Variants in CASZ1 observed in about 807,000 individuals in gnomAD.
CASZ1 encodes the protein zinc finger protein castor homolog 1.
In CASZ1, 28 loss-of-function variants were observed where a neutral mutation model predicts 135.2. The observed-to-expected ratio is 0.21, with a 90% confidence interval of 0.15 to 0.28. CASZ1 has a LOEUF of 0.28. CASZ1 is among the 10% of genes least tolerant of loss of function. The pLI is 1.00. For synonymous variants in CASZ1, 1,068 were observed against 1,073.4 expected (o/e 0.99, Z 0.10); for missense variants, 2,161 against 2,453.3 (o/e 0.88, Z 2.52).
At position 10,671,312 on chromosome 1, in the gene CASZ1, G is replaced by A. The variant is rs568475484; in HGVS notation, c.17-5741C>T. Among the ~76,000 whole-genome samples, 185 of 152,322 alleles carry A rather than the reference G, an allele frequency of 1.2e-3. 1 individual carries two copies. The highest frequency in any genetic ancestry group is 3.8e-3 in the African/African-American group (159 of 41,576). On this transcript the variant is annotated intron_variant, in intron 4 of 20. Transcript: ENST00000377022. ...CACTGAGCAAACGCGCACAGACCGC[G>A]TGCATGCCTGTGCGCGCGCACACAC... is the stretch of plus-strand genomic sequence containing the variant.
At chr1:10,675,140 G>A (rs530668095) in intron 4 of CASZ1, among the ~76,000 whole-genome samples, 29 of 152,314 alleles carry the variant, frequency 1.9e-4, no homozygotes, top group African/African-American at 6.5e-4. Flanking sequence ...AAAAGCTCAC[G>A]GCAGGTCCCC....
chr1:10,664,971 C>T (rs907829998), intron 5 of CASZ1, 112 bp downstream of exon 5: 35 of 1,222,954 alleles, frequency 2.9e-5, no homozygotes, highest in East Asian at 5.8e-5. Flanking sequence ...GATGAGGGGC[C>T]GGTATTTAGA....
At chr1:10,758,348 T>C in intron 2 of CASZ1, among the ~76,000 whole-genome samples, 1 of 138,230 alleles carries the variant, frequency 7.2e-6, no homozygotes, top group East Asian at 2.0e-4. Flanking sequence ...TTTTTTTTTT[T>C]TGAGACAGAG....
chr1:10,692,736 G>A (rs570769214), intron 4 of CASZ1, among the ~76,000 whole-genome samples: 3 of 152,298 alleles, frequency 2.0e-5, no homozygotes, highest in South Asian at 2.1e-4. Context: ...GGCTGCCTCC[G>A]GTCTCTCTGC....
At position 10,665,514 on chromosome 1, in the gene CASZ1, C is replaced by G; in HGVS notation, c.74G>C (p.Arg25Pro). Reference sequence around the variant, plus strand: ...GGCGTTCAGCTTCAGGCCACCCTTGCGTTTGGGCGCCATGGCGGGCTTGCC... The same window carrying G: ...GGCGTTCAGCTTCAGGCCACCCTTGGGTTTGGGCGCCATGGCGGGCTTGCC... ...PAGKPAMAPK[R>P]KGGLKLNAIC... Residue 25 changes from arginine to proline, a missense_variant, in exon 5 of 21, where the codon CGC (arginine) becomes CCC (proline). Transcript: ENST00000377022. The G allele has an allele frequency of 6.2e-7, 1 of 1,600,530 alleles. No homozygotes were observed. The highest frequency in any genetic ancestry group is 8.5e-7 in the Non-Finnish European group (1 of 1,177,912).
rs1449033665 is a variant in CASZ1 at position 10,676,453 on chromosome 1, G to A, written c.17-10882C>T. Among the ~76,000 whole-genome samples, 1 of 152,136 alleles carries A rather than the reference G, an allele frequency of 6.6e-6. No homozygotes were observed. Among genetic ancestry groups the A allele is most frequent in the Non-Finnish European group, 1.5e-5 (1 of 68,030 alleles). ...CTTTCAACAGAACATCCCCAATGCA[G>A]GCTCTTCCCACCAGGACAAAGAAGA... On this transcript the variant is annotated intron_variant, in intron 4 of 20. Coordinates refer to ENST00000377022, the MANE Select transcript of CASZ1 (RefSeq NM_001079843.3). This position sits in a 1 kb window ranked among gnomAD's most constrained non-coding sequence, Gnocchi z 4.5.
In CASZ1 at chr1:10,694,464, G is replaced by A. The variant is rs922295932; in HGVS notation, c.-23-552C>T. ...GGGTAACAGTTTGGCAGGAGGGAGCGGGCGGGCGGGCGCGGCCGGGGGCGC... is the reference window on the plus strand; with the variant it reads ...GGGTAACAGTTTGGCAGGAGGGAGCAGGCGGGCGGGCGCGGCCGGGGGCGC... On this transcript the variant is annotated intron_variant, in intron 3 of 20. Transcript: ENST00000377022. This position sits in a 1 kb window ranked among gnomAD's most constrained non-coding sequence, Gnocchi z 6.6. The A allele has an allele frequency of 4.5e-6, 1 of 222,144 alleles. No homozygotes were observed. Among genetic ancestry groups the A allele is most frequent in the African/African-American group, 2.4e-5 (1 of 42,384 alleles). The allele number at this position is 222,144 out of a possible 1,614,324, so 13.8% of individuals were successfully genotyped here. A position where few individuals can be genotyped will look rare whatever the true frequency, so the allele number is the denominator to read the frequency against.
At chr1:10,652,071 G>A (rs1271901932) in intron 11 of CASZ1, 3 of 152,242 alleles carry the variant, frequency 2.0e-5, no homozygotes, top group African/African-American at 7.2e-5. Flanking sequence ...GGGCCTGTGA[G>A]AGTTTTCAGA....
At chr1:10,667,604 G>A (rs191739639) in intron 4 of CASZ1, among the ~76,000 whole-genome samples, 16 of 152,298 alleles carry the variant, frequency 1.1e-4, no homozygotes, top group African/African-American at 3.4e-4. Context: ...CCGGGGAAGC[G>A]GGCCTCACCT....
chr1:10,765,617 C>A (rs1640460918), intron 1 of CASZ1, among the ~76,000 whole-genome samples: 1 of 152,190 alleles, frequency 6.6e-6, no homozygotes, highest in African/African-American at 2.4e-5. Flanking sequence ...GCTGGCATCT[C>A]ACGGCTTCAG....
At chr1:10,648,460 A>C (rs1436011856) in intron 15 of CASZ1, 9 of 304,498 alleles carry the variant, frequency 3.0e-5, no homozygotes, top group Non-Finnish European at 5.5e-5. Context: ...ACCTGCTCGG[A>C]GGTCTTAAAG....
At chr1:10,738,996 T>C (rs1010752264) in intron 2 of CASZ1, among the ~76,000 whole-genome samples, 2 of 151,318 alleles carry the variant, frequency 1.3e-5, no homozygotes, top group Non-Finnish European at 1.5e-5. Flanking sequence ...GTCAAAATGT[T>C]CTCAACAAGG....
At chr1:10,760,331 G>C (rs774094179) in intron 2 of CASZ1, among the ~76,000 whole-genome samples, 14 of 152,220 alleles carry the variant, frequency 9.2e-5, no homozygotes, top group African/African-American at 2.4e-4. Flanking sequence ...GATGGAGAAT[G>C]GTCCTTGGCC....
intron 2 of CASZ1, among the ~76,000 whole-genome samples, chr1:10,758,229 G>A (rs942969424): frequency 2.6e-5 from 4 of 151,634 alleles, no homozygotes; most frequent in Non-Finnish European, 4.4e-5. Flanking sequence ...TTTGTTTCAC[G>A]CTGCCTCGCC....
intron 4 of CASZ1, among the ~76,000 whole-genome samples, chr1:10,692,157 G>T (rs1052469276): frequency 1.3e-5 from 2 of 152,226 alleles, no homozygotes; most frequent in African/African-American, 4.8e-5. Context: ...CTAGAGAAGG[G>T]CTTTGGAGTA....
intron 4 of CASZ1, among the ~76,000 whole-genome samples, chr1:10,673,378 T>G (rs1367216074): frequency 6.6e-6 from 1 of 152,112 alleles, no homozygotes; most frequent in African/African-American, 2.4e-5. Flanking sequence ...ATATGGAAAT[T>G]TTTTTTCGTC....
intron 3 of CASZ1, among the ~76,000 whole-genome samples, chr1:10,705,035 G>A (rs551921996): frequency 6.6e-6 from 1 of 152,354 alleles, no homozygotes; most frequent in African/African-American, 2.4e-5. Flanking sequence ...CACAGCCTCC[G>A]AGGAGCGAAG....
rs996551775 is a variant in CASZ1 at position 10,757,553 on chromosome 1, T to G, written c.-77+3148A>C. 1.3e-5 allele frequency among the ~76,000 whole-genome samples: 2 copies of G among 152,214 alleles called. No individual in the cohort carries two copies. The highest frequency in any genetic ancestry group is 4.8e-5 in the African/African-American group (2 of 41,538). Reference sequence around the variant, plus strand: ...CTGTAATCCCAGCACCTTGGGGGGCTGAGGTGGGTGGATCACTTGAGGTTA... The same window carrying G: ...CTGTAATCCCAGCACCTTGGGGGGCGGAGGTGGGTGGATCACTTGAGGTTA... On this transcript the variant is annotated intron_variant, in intron 2 of 20. Coordinates refer to ENST00000377022, the MANE Select transcript of CASZ1 (RefSeq NM_001079843.3). The surrounding 1 kb of genome is among the most constrained non-coding windows in gnomAD (Gnocchi z 4.6).
At chr1:10,663,781 C>T (rs565598836) in intron 5 of CASZ1, among the ~76,000 whole-genome samples, 5 of 152,334 alleles carry the variant, frequency 3.3e-5, no homozygotes, top group South Asian at 4.1e-4. Flanking sequence ...GTCCCAGTGT[C>T]GGGCTGAGGG....
Sources: allele counts gnomAD v4.1 joint callset (sites outside exome capture counted in the v4.1 genomes callset), GRCh38; gene constraint gnomAD v4.1.1; non-coding constraint Gnocchi (gnomAD v3.1); transcripts MANE v1.5; gene names NCBI Gene and HGNC (gene_info 2026-07-23, HGNC 2026-07-21).